Variants in SPOCK3 observed in about 807,000 individuals in gnomAD.
SPOCK3 encodes SPARC (osteonectin), cwcv and kazal like domains proteoglycan 3.
In SPOCK3, 30 loss-of-function variants were observed where a neutral mutation model predicts 56.6. The observed-to-expected ratio is 0.53, with a 90% CI of 0.40 to 0.72. The LOEUF (loss-of-function observed/expected upper bound fraction) is 0.72. Among genes scored for constraint, SPOCK3 ranks in the 30% least tolerant of loss-of-function variants. The probability of loss-of-function intolerance (pLI) is 0.00; values close to 1 mark genes in which losing one functional copy is unlikely to be tolerated. For missense variants in SPOCK3, 527 were observed against 530.0 expected, an observed-to-expected ratio of 0.99 and a Z score of 0.06; for synonymous variants, 196 against 183.3, an observed-to-expected ratio of 1.07 and a Z score of -0.56.
At chr4:167,181,084 A>G (rs1379657324) in intron 2 of SPOCK3, among the ~76,000 whole-genome samples, 2 of 152,122 alleles carry the variant, frequency 1.3e-5, no homozygotes, top group African/African-American at 4.8e-5. Flanking sequence ...ATGACTTCCA[A>G]ATGTATACCT....
At chr4:167,224,623 A>T in intron 2 of SPOCK3, among the ~76,000 whole-genome samples, 1 of 152,166 alleles carries the variant, frequency 6.6e-6, no homozygotes, top group African/African-American at 2.4e-5. Context: ...AACAAAAAAG[A>T]TATATAATAC....
At chr4:167,231,221 C>A (rs575202832) in intron 2 of SPOCK3, among the ~76,000 whole-genome samples, 5 of 151,710 alleles carry the variant, frequency 3.3e-5, no homozygotes, top group African/African-American at 1.2e-4. Context: ...ATTTAAGATA[C>A]TTTTAAAATG....
chr4:167,024,595 A>G (rs1164762281), intron 3 of SPOCK3, among the ~76,000 whole-genome samples: 1 of 152,072 alleles, frequency 6.6e-6, no homozygotes, highest in East Asian at 1.9e-4. Context: ...TTCAATTTCA[A>G]TTTGAACAAA....
In SPOCK3 at chr4:167,184,175, T is replaced by C. The variant is rs192544258; in HGVS notation, c.189+49810A>G. ...TGAAATTAATCCCCTTTCACTCTTA[T>C]GCCTATTTCCCCAAAAGAATCATCA... On this transcript the variant is annotated intron_variant, in intron 2 of 10. Coordinates refer to ENST00000357545, the MANE Select transcript of SPOCK3 (RefSeq NM_001040159.2). 4.6e-5 allele frequency among the ~76,000 whole-genome samples: 7 copies of C among 152,330 alleles called. No individual in the cohort carries two copies. The East Asian group carries it at 1.4e-3, about 29-fold the overall frequency.
intron 6 of SPOCK3, among the ~76,000 whole-genome samples, chr4:166,833,752 TG>T (rs1222926717): frequency 2.0e-5 from 3 of 152,184 alleles, no homozygotes; most frequent in Non-Finnish European, 2.9e-5. Context: ...TAGTCTTGCC[TG>T]GTGCACCTAG....
intron 3 of SPOCK3, among the ~76,000 whole-genome samples, chr4:167,036,265 C>A (rs1382706413): frequency 6.6e-6 from 1 of 152,106 alleles, no homozygotes; most frequent in African/African-American, 2.4e-5. Context: ...GATCATTTGA[C>A]TTCACAGTGC....
At chr4:166,805,860 C>T (rs866112158) in intron 6 of SPOCK3, among the ~76,000 whole-genome samples, 1 of 152,056 alleles carries the variant, frequency 6.6e-6, no homozygotes, top group African/African-American at 2.4e-5. Context: ...CATAAGTACA[C>T]GTGTCAGAAA....
At position 166,880,320 on chromosome 4, in the gene SPOCK3, G is replaced by GGTA. The variant is rs1278532360; in HGVS notation, c.589+8807_589+8809dup. Among the ~76,000 whole-genome samples the GGTA allele has an allele frequency of 2.0e-5, 3 of 152,124 alleles. No individual in the cohort carries two copies. The East Asian group carries it at 5.8e-4, about 29-fold the overall frequency. On this transcript the variant is annotated intron_variant, in intron 6 of 10. Coordinates refer to ENST00000357545, the MANE Select transcript of SPOCK3 (RefSeq NM_001040159.2). ...AAGTCAGAATTATTCCTCAGCTTCTGGTACACTGTTCTCTCCTGTTTCTCC... is the reference window on the plus strand; with the variant it reads ...AAGTCAGAATTATTCCTCAGCTTCTGGTAGTACACTGTTCTCTCCTGTTTCTCC...
chr4:167,078,142 G>C (rs1757363489), intron 2 of SPOCK3, among the ~76,000 whole-genome samples: 1 of 151,862 alleles, frequency 6.6e-6, no homozygotes, highest in African/African-American at 2.4e-5. Context: ...GCTTAGGTAA[G>C]ATGTTTCATG....
At chr4:166,868,052 T>C (rs1479720217) in intron 6 of SPOCK3, among the ~76,000 whole-genome samples, 1 of 152,016 alleles carries the variant, frequency 6.6e-6, no homozygotes, top group Non-Finnish European at 1.5e-5. Context: ...TCAGTTGTAA[T>C]TTTAAGGAAA....
chr4:166,923,914 C>T (rs1015684432), intron 4 of SPOCK3, among the ~76,000 whole-genome samples: 1 of 152,078 alleles, frequency 6.6e-6, no homozygotes, highest in Non-Finnish European at 1.5e-5. Flanking sequence ...TATCAACATC[C>T]CTCATTTGAC....
intron 6 of SPOCK3, among the ~76,000 whole-genome samples, chr4:166,850,257 T>A (rs917676255): frequency 1.3e-5 from 2 of 152,222 alleles, no homozygotes; most frequent in Non-Finnish European, 2.9e-5. Flanking sequence ...TTATTTTCTG[T>A]TTTTTGACAG....
At chr4:167,144,793 CAT>C (rs1561263099) in intron 2 of SPOCK3, among the ~76,000 whole-genome samples, 14 of 149,684 alleles carry the variant, frequency 9.4e-5, no homozygotes, top group Non-Finnish European at 1.8e-4. Context: ...CAACATATCA[CAT>C]GTTTGAAAAC....
intron 7 of SPOCK3, 33 bp downstream of exon 7, chr4:166,792,137 T>C (rs1481234779): frequency 2.5e-6 from 4 of 1,612,668 alleles, no homozygotes; most frequent in African/African-American, 1.3e-5. Flanking sequence ...TCATAACAGA[T>C]ACAGTAGCAA....
rs1023306509 is a variant in SPOCK3, at chr4:167,189,437, C to T, written c.189+44548G>A. Among the ~76,000 whole-genome samples, 4 of 145,528 alleles carry T rather than the reference C, an allele frequency of 2.7e-5. 1 individual carries two copies. The highest frequency in any genetic ancestry group is 1.0e-4 in the African/African-American group (4 of 38,178). ...CCAAGAAACAAGCTGATTTTATAAA[C>T]TTTTAAAGGCATTCATCAGTCCAAA... is the stretch of plus-strand genomic sequence containing the variant. On this transcript the variant is annotated intron_variant, in intron 2 of 10. Coordinates refer to ENST00000357545, the MANE Select transcript of SPOCK3 (RefSeq NM_001040159.2).
chr4:167,017,500 T>C (rs1750739704), intron 3 of SPOCK3, among the ~76,000 whole-genome samples: 1 of 152,092 alleles, frequency 6.6e-6, no homozygotes. Context: ...GAGGCCATGA[T>C]AGATAATTTG....
At chr4:166,944,221 T>C (rs1435498387) in intron 4 of SPOCK3, among the ~76,000 whole-genome samples, 1 of 151,330 alleles carries the variant, frequency 6.6e-6, no homozygotes, top group Admixed American at 6.6e-5. Context: ...GAAGTGTCTC[T>C]TTTTTTTTAA....
At chr4:166,935,302 A>G (rs754167243) in intron 4 of SPOCK3, among the ~76,000 whole-genome samples, 9 of 152,146 alleles carry the variant, frequency 5.9e-5, no homozygotes, top group Non-Finnish European at 1.3e-4. Flanking sequence ...TCCCACTTAC[A>G]ATAAAAGTGG....
At chr4:167,019,375 T>C (rs1315355656) in intron 3 of SPOCK3, among the ~76,000 whole-genome samples, 1 of 152,016 alleles carries the variant, frequency 6.6e-6, no homozygotes, top group African/African-American at 2.4e-5. Context: ...TGCAAATTTA[T>C]CATTTCTGTA....
Sources: gnomAD v4.1 joint callset for allele counts (sites outside exome capture counted in the v4.1 genomes callset) on GRCh38, gnomAD v4.1.1 for gene constraint, MANE v1.5 for transcripts, NCBI Gene and HGNC (gene_info 2026-07-23, HGNC 2026-07-21) for gene names.